Variants in SESTD1 observed in about 807,000 individuals in gnomAD.
The protein encoded by SESTD1 is SEC14 and spectrin domain containing 1.
SESTD1 carries 43 observed loss-of-function variants against 101.7 expected under a neutral mutation model. The observed-to-expected ratio is 0.42, with a 90% confidence interval of 0.33 to 0.55. The LOEUF is 0.55. SESTD1 is among the 20% of genes least tolerant of loss of function. The pLI is 0.07. For synonymous variants in SESTD1, 283 were observed against 286.8 expected (o/e 0.99, Z 0.13); for missense variants, 647 against 815.1 (o/e 0.79, Z 2.51).
chr2:179,132,441 T>A lies in SESTD1; in HGVS notation c.850-15A>T. On this transcript the variant is annotated splice_polypyrimidine_tract_variant and intron_variant, in intron 9 of 17. Transcript: ENST00000428443. ...CAGTTCACCACCTATAAACAAAAGT[T>A]GAGATAACATTTTTTAAAGAATCAG... 6.6e-7 allele frequency: 1 copy of A among 1,516,392 alleles called. No individual in the cohort carries two copies. The highest frequency in any genetic ancestry group is 8.7e-7 in the Non-Finnish European group (1 of 1,152,528). The allele number at this position is 1,516,392 out of a possible 1,614,324, so 93.9% of individuals were successfully genotyped here.
chr2:179,176,403 G>T, intron 4 of SESTD1, 45 bp downstream of exon 4: 1 of 1,416,690 alleles, frequency 7.1e-7, no homozygotes, highest in Non-Finnish European at 1.0e-6. Flanking sequence ...AGGATCTGTT[G>T]CTGTAAAATA....
chr2:179,215,998 A>G lies in SESTD1; in HGVS notation c.-25-24132T>C, dbSNP rs1390585760. Among the ~76,000 whole-genome samples, 6 of 135,082 alleles carry G rather than the reference A, an allele frequency of 4.4e-5. 2 individuals are homozygous for G. The highest frequency in any genetic ancestry group is 1.8e-4 in the African/African-American group (6 of 34,262). The allele number at this position is 135,082 out of a possible 152,430, so 88.6% of individuals were successfully genotyped here. A position where few individuals can be genotyped will look rare whatever the true frequency, so the allele number is the denominator to read the frequency against. On this transcript the variant is annotated intron_variant, in intron 1 of 17. Transcript: ENST00000428443. ...TTGATGAAACATAACTCAAAATAGT[A>G]AGAACTATATGACAAATGCACAGCC...
chr2:179,176,930 C>T (rs920015717), intron 3 of SESTD1, among the ~76,000 whole-genome samples: 8 of 152,136 alleles, frequency 5.3e-5, no homozygotes, highest in African/African-American at 1.7e-4. Context: ...CTTGTCTCAC[C>T]TACCTGCCAG....
chr2:179,221,852 C>A (rs556208451), intron 1 of SESTD1, among the ~76,000 whole-genome samples: 2 of 147,398 alleles, frequency 1.4e-5, no homozygotes, highest in African/African-American at 5.0e-5. Flanking sequence ...CCCAGGAGGT[C>A]AAGGCTGCAG....
At chr2:179,249,941 C>T (rs192603777) in intron 1 of SESTD1, among the ~76,000 whole-genome samples, 3 of 148,196 alleles carry the variant, frequency 2.0e-5, no homozygotes, top group Admixed American at 6.7e-5. Flanking sequence ...TACACAAAAT[C>T]GATCATGGAC....
At chr2:179,236,747 T>C (rs1038410638) in intron 1 of SESTD1, among the ~76,000 whole-genome samples, 2 of 125,464 alleles carry the variant, frequency 1.6e-5, no homozygotes, top group Non-Finnish European at 3.2e-5. Flanking sequence ...AAATCTGATG[T>C]AGTTTTTTTT....
intron 1 of SESTD1, among the ~76,000 whole-genome samples, chr2:179,229,348 ACAT>A (rs1252349644): frequency 6.6e-6 from 1 of 152,110 alleles, no homozygotes; most frequent in African/African-American, 2.4e-5. Flanking sequence ...ATAGCTTGAA[ACAT>A]CAGTTTTCTC....
chr2:179,202,590 G>T (rs1267882318), intron 1 of SESTD1, among the ~76,000 whole-genome samples: 1 of 134,068 alleles, frequency 7.5e-6, no homozygotes, highest in Non-Finnish European at 1.6e-5. Flanking sequence ...CTTTTTCCTT[G>T]AGTTTAATTT....
At chr2:179,146,588 T>G in intron 7 of SESTD1, 131 bp from the exon 8 acceptor site, 1 of 671,306 alleles carries the variant, frequency 1.5e-6, no homozygotes, top group South Asian at 2.1e-5. Context: ...CATCCTACCA[T>G]GCTAACTTCT....
chr2:179,137,799 A>T (rs2045184682), intron 9 of SESTD1, among the ~76,000 whole-genome samples: 1 of 152,220 alleles, frequency 6.6e-6, no homozygotes, highest in Admixed American at 6.5e-5. Flanking sequence ...CATTAAAAAC[A>T]AAAGAAGTTT....
At position 179,191,087 on chromosome 2, in the gene SESTD1, C is replaced by A. The variant is rs1049626452; in HGVS notation, c.55+700G>T. On this transcript the variant is annotated intron_variant, in intron 2 of 17. Transcript: ENST00000428443. The stretch of plus-strand genomic sequence containing the variant: ...ATCCCATTACTGTGTATATATCCAA[C>A]GGAAAATAAATTGCTCTATCAAAAA... Among the ~76,000 whole-genome samples the A allele has an allele frequency of 5.9e-5, 9 of 152,198 alleles. No individual in the cohort carries two copies. The East Asian group carries it at 1.2e-3, about 20-fold the overall frequency.
chr2:179,146,599 C>T, intron 7 of SESTD1, 142 bp from the exon 8 acceptor site: 1 of 635,292 alleles, frequency 1.6e-6, no homozygotes, highest in South Asian at 2.2e-5. Context: ...GCTAACTTCT[C>T]TCAAGCATAA....
chr2:179,217,575 C>G (rs950732960), intron 1 of SESTD1, among the ~76,000 whole-genome samples: 2 of 152,146 alleles, frequency 1.3e-5, no homozygotes, highest in Admixed American at 1.3e-4. Context: ...GTGGTGATTC[C>G]TCAAGGATCT....
At chr2:179,148,442 C>T (rs1575443309) in intron 7 of SESTD1, among the ~76,000 whole-genome samples, 1 of 152,222 alleles carries the variant, frequency 6.6e-6, no homozygotes, top group African/African-American at 2.4e-5. Context: ...CAAGGGAAAT[C>T]TGTTAACATG....
intron 1 of SESTD1, among the ~76,000 whole-genome samples, chr2:179,197,093 C>A (rs1273361224): frequency 1.3e-5 from 2 of 151,944 alleles, no homozygotes; most frequent in African/African-American, 2.4e-5. Flanking sequence ...ACTAGAATAA[C>A]CAATACAGAG....
rs1227844643 is a variant in SESTD1 at position 179,107,584 on chromosome 2, GTAGT to G, written c.*2311_*2314del. The G allele has an allele frequency of 1.3e-5, 2 of 152,086 alleles. No individual in the cohort carries two copies. Among genetic ancestry groups the G allele is most frequent in the Non-Finnish European group, 2.9e-5 (2 of 67,994 alleles). The allele number at this position is 152,086 out of a possible 1,614,324, so 9.4% of individuals were successfully genotyped here. On this transcript the variant is annotated 3_prime_UTR_variant, in exon 18 of 18. Coordinates refer to ENST00000428443, the MANE Select transcript of SESTD1 (RefSeq NM_178123.5). ...TATTGAGTATAACTAAATATCTAAA[GTAGT>G]TAGTATCTAAGAATCTAAGAATAGA...
chr2:179,200,175 C>T (rs2046483231), intron 1 of SESTD1, among the ~76,000 whole-genome samples: 1 of 151,696 alleles, frequency 6.6e-6, no homozygotes, highest in South Asian at 2.1e-4. Flanking sequence ...TTCACAATTG[C>T]TTCAAAGAGA....
intron 6 of SESTD1, among the ~76,000 whole-genome samples, chr2:179,150,759 G>T (rs1380355297): frequency 1.3e-5 from 2 of 152,052 alleles, no homozygotes; most frequent in Non-Finnish European, 2.9e-5. Context: ...GGCGGAGGTT[G>T]CAGTGAGCTG....
intron 5 of SESTD1, among the ~76,000 whole-genome samples, chr2:179,158,655 T>G (rs1373711535): frequency 6.6e-6 from 1 of 152,210 alleles, no homozygotes; most frequent in Non-Finnish European, 1.5e-5. Context: ...TTTTTACCTA[T>G]GCAAAATAGT....
Sources: allele counts gnomAD v4.1 joint callset (sites outside exome capture counted in the v4.1 genomes callset), GRCh38; gene constraint gnomAD v4.1.1; transcripts MANE v1.5; gene names NCBI Gene and HGNC (gene_info 2026-07-23, HGNC 2026-07-21).